PCDHA2: variants seen among roughly 807,000 people sequenced by gnomAD.
PCDHA2 encodes protocadherin alpha 2.
Under a neutral mutation model 66.0 loss-of-function variants are expected in PCDHA2, and 58 were observed. The observed-to-expected ratio is 0.88, with a 90% CI of 0.71 to 1.09. The LOEUF (loss-of-function observed/expected upper bound fraction) is 1.09, where lower values mean the gene tolerates loss of function less well. PCDHA2 is among the 50% of genes least tolerant of loss of function. The probability of loss-of-function intolerance (pLI) is 0.00; values close to 1 mark genes in which losing one functional copy is unlikely to be tolerated. For missense variants in PCDHA2, 1,267 were observed against 1,242.3 expected (o/e 1.02, Z -0.30); for synonymous variants, 634 against 554.0 (o/e 1.14, Z -2.03).
In PCDHA2 at chr5:140,796,499, C is replaced by G. The variant is rs1340411641; in HGVS notation, c.1535C>G (p.Ala512Gly). 1 of 1,612,308 alleles carries G rather than the reference C, an allele frequency of 6.2e-7. No individual in the cohort carries two copies. The highest frequency in any genetic ancestry group is 8.5e-7 in the Non-Finnish European group (1 of 1,179,822). Residue 512 changes from alanine (A) to glycine (G), a missense_variant, in exon 1 of 4, where the codon GCG becomes GGG. Physicochemically the swap from Ala to Gly is moderately conservative, Grantham distance 60 (BLOSUM62 0). Coordinates refer to ENST00000526136, the MANE Select transcript of PCDHA2 (RefSeq NM_018905.3). ...TTGTCGAGCTACGTTTCGGTGCACG[C>G]GGAGAGCGGCAAGGTGTACGCGCTG... is the stretch of plus-strand genomic sequence containing the variant. The part of the protein sequence containing the change: ...RALSSYVSVH[A>G]ESGKVYALQP...
At chr5:140,846,239 T>G (rs1183572722) in intron 1 of PCDHA2, among the ~76,000 whole-genome samples, 1 of 149,652 alleles carries the variant, frequency 6.7e-6, no homozygotes, top group Non-Finnish European at 1.5e-5. Flanking sequence ...TAAAAAGAAG[T>G]ATACAATAAT....
chr5:140,950,247 A>G (rs1483854749), intron 1 of PCDHA2, among the ~76,000 whole-genome samples: 1 of 152,004 alleles, frequency 6.6e-6, no homozygotes, highest in East Asian at 1.9e-4. Flanking sequence ...ATTTGTTCCT[A>G]AAGAGCTGAG....
chr5:140,834,240 C>A, intron 1 of PCDHA2: 1 of 807,006 alleles, frequency 1.2e-6, no homozygotes, highest in Non-Finnish European at 1.9e-6. Flanking sequence ...CATTCCTTTT[C>A]GCACTGGAAA....
intron 1 of PCDHA2, chr5:140,842,727 C>A (rs1554139317): frequency 6.3e-7 from 1 of 1,594,926 alleles, no homozygotes; most frequent in East Asian, 2.2e-5. Flanking sequence ...GAGAACAACC[C>A]GCCGGGCTGC....
At chr5:140,997,044 T>C (rs2097756836) in intron 3 of PCDHA2, among the ~76,000 whole-genome samples, 1 of 152,180 alleles carries the variant, frequency 6.6e-6, no homozygotes, top group South Asian at 2.1e-4. Flanking sequence ...TGAACTTTAC[T>C]TTTTAGAGCA....
At chr5:140,902,437 T>A (rs2069464443) in intron 1 of PCDHA2, among the ~76,000 whole-genome samples, 3 of 152,154 alleles carry the variant, frequency 2.0e-5, no homozygotes, top group Admixed American at 2.0e-4. Context: ...GGCATCCTTG[T>A]CATATTCTAG....
chr5:140,903,857 T>C (rs2070669832), intron 1 of PCDHA2, among the ~76,000 whole-genome samples: 1 of 152,172 alleles, frequency 6.6e-6, no homozygotes, highest in South Asian at 2.1e-4. Context: ...TAACAAATAA[T>C]ATAGAGTAAA....
Position 140,797,158 on chromosome 5 carries a change from C to A in PCDHA2, c.2194C>A (p.Arg732Ser). The A allele has an allele frequency of 6.2e-7, 1 of 1,613,972 alleles. No individual in the cohort carries two copies. The highest frequency in any genetic ancestry group is 2.2e-5 in the East Asian group (1 of 44,870). Reference sequence around the variant, plus strand: ...CTCGGTGCCACCCACCGAGGGTGCGCGCGCGCCAGGAAAGCCCACGCTGGT... The same window carrying A: ...CTCGGTGCCACCCACCGAGGGTGCGAGCGCGCCAGGAAAGCCCACGCTGGT... ...RCSVPPTEGARAPGKPTLVCS... is the reference protein window; with the variant it reads ...RCSVPPTEGASAPGKPTLVCS... Residue 732 changes from arginine to serine, a missense_variant, in exon 1 of 4, where the codon CGC (arginine) becomes AGC (serine). Coordinates refer to ENST00000526136, the MANE Select transcript of PCDHA2 (RefSeq NM_018905.3).
intron 1 of PCDHA2, chr5:140,875,685 C>T (rs563250653): frequency 6.2e-7 from 1 of 1,613,934 alleles, no homozygotes; most frequent in South Asian, 1.1e-5. Flanking sequence ...CCAAAAGACA[C>T]GGGGACCTTC....
intron 1 of PCDHA2, chr5:140,830,094 C>T (rs1770810347): frequency 2.5e-6 from 4 of 1,613,470 alleles, no homozygotes; most frequent in Middle Eastern, 1.7e-4. Flanking sequence ...GTTCTGGTGT[C>T]GCTGGTGGAG....
chr5:140,957,468 T>C (rs1318789577), intron 1 of PCDHA2, among the ~76,000 whole-genome samples: 2 of 152,166 alleles, frequency 1.3e-5, no homozygotes, highest in African/African-American at 4.8e-5. Context: ...GGTATGTATG[T>C]ATAGGAAAAA....
chr5:140,877,049 A>G (rs1554169270), intron 1 of PCDHA2: 4 of 1,612,684 alleles, frequency 2.5e-6, no homozygotes, highest in Middle Eastern at 3.9e-4. Context: ...CTAGACCACG[A>G]GGAGCTGGAG....
intron 1 of PCDHA2, chr5:140,883,883 G>A (rs1554180418): frequency 1.2e-6 from 2 of 1,613,320 alleles, no homozygotes; most frequent in South Asian, 1.1e-5. Flanking sequence ...GAGCGCGCGC[G>A]ACTCTGGCGT....
chr5:141,003,322 G>A (rs1588017257), intron 3 of PCDHA2, among the ~76,000 whole-genome samples: 1 of 152,242 alleles, frequency 6.6e-6, no homozygotes, highest in East Asian at 1.9e-4. Flanking sequence ...ACTTCCAGAG[G>A]GCAGGGTTTT....
intron 1 of PCDHA2, among the ~76,000 whole-genome samples, chr5:140,872,145 G>A (rs2053502547): frequency 6.6e-6 from 1 of 151,676 alleles, no homozygotes; most frequent in Non-Finnish European, 1.5e-5. Context: ...TACTCCATTA[G>A]TATGACATGA....
In PCDHA2 at chr5:140,796,657, CT is replaced by C. The variant is rs782155668; in HGVS notation, c.1694del (p.Leu565ArgfsTer13). On this transcript the variant is annotated frameshift_variant, in exon 1 of 4. Transcript: ENST00000526136. LOFTEE classifies it high-confidence loss of function. Reference sequence around the variant, plus strand: ...GGACGAGAACGACAACGCGCCGGCACTGTTGGCGCCTAGGGCTGGCACCGCT... The same window carrying C: ...GGACGAGAACGACAACGCGCCGGCACGTTGGCGCCTAGGGCTGGCACCGCT... Reference protein sequence around the residue: ...VLDENDNAPALLAPRAGTAAG... With the variant: ...VLDENDNAPAXLAPRAGTAAG... 38 of 1,613,878 alleles carry C rather than the reference CT, an allele frequency of 2.4e-5. No individual in the cohort carries two copies. The highest frequency in any genetic ancestry group is 3.1e-5 in the Non-Finnish European group (37 of 1,179,876).
At chr5:140,835,352 C>A (rs2150234415) in intron 1 of PCDHA2, 3 of 1,613,802 alleles carry the variant, frequency 1.9e-6, no homozygotes, top group South Asian at 1.1e-5. Flanking sequence ...TCGAGGCTGT[C>A]GATAAAGGCT....
chr5:140,867,131 T>C (rs769857763), intron 1 of PCDHA2: 1 of 152,188 alleles, frequency 6.6e-6, no homozygotes, highest in African/African-American at 2.4e-5. Context: ...TTCAAATATG[T>C]GATATTATCA....
At chr5:140,808,570 A>C in intron 1 of PCDHA2, 2 of 1,614,090 alleles carry the variant, frequency 1.2e-6, no homozygotes, top group South Asian at 2.2e-5. Flanking sequence ...CCGAGTACAC[A>C]GTGTTCGTGA....
Sources: allele counts gnomAD v4.1 joint callset (sites outside exome capture counted in the v4.1 genomes callset), GRCh38; gene constraint gnomAD v4.1.1; transcripts MANE v1.5; gene names NCBI Gene and HGNC (gene_info 2026-07-23, HGNC 2026-07-21).